The following FAM20C variants were observed in gnomAD, a reference collection of about 807,000 sequenced individuals.
FAM20C encodes the protein FAM20C golgi associated secretory pathway kinase.
In FAM20C, 40 loss-of-function variants were observed where a neutral mutation model predicts 51.5. The ratio of observed to expected loss-of-function variants is 0.78; its 90% CI spans 0.60 to 1.01. The LOEUF is 1.01. FAM20C is among the 50% of genes least tolerant of loss of function. FAM20C has a pLI of 0.00. For missense variants in FAM20C, 861 were observed against 844.7 expected (o/e 1.02, Z -0.24); for synonymous variants, 406 against 380.6 (o/e 1.07, Z -0.78).
At chr7:222,136 T>C (rs1787255962) in intron 3 of FAM20C, among the ~76,000 whole-genome samples, 1 of 151,978 alleles carries the variant, frequency 6.6e-6, no homozygotes. Flanking sequence ...GAGCCAGAAG[T>C]GCGCAAGTCA....
At chr7:255,641 G>A (rs1329606788) in intron 5 of FAM20C, among the ~76,000 whole-genome samples, 1 of 152,154 alleles carries the variant, frequency 6.6e-6, no homozygotes, top group Non-Finnish European at 1.5e-5. Flanking sequence ...CCTCTGGGGA[G>A]CTGTGTGGCC....
intron 3 of FAM20C, among the ~76,000 whole-genome samples, chr7:232,330 G>GC (rs1193732451): frequency 6.6e-6 from 1 of 152,188 alleles, no homozygotes; most frequent in Non-Finnish European, 1.5e-5. Flanking sequence ...ACGCGGCCCA[G>GC]CCCCCCACCT....
chr7:197,321 G>A (rs1785924384), intron 2 of FAM20C: 1 of 167,046 alleles, frequency 6.0e-6, no homozygotes, highest in South Asian at 2.1e-4. Flanking sequence ...AGGCCGTGTG[G>A]AGAGGAGGGG....
At chr7:209,413 G>T (rs1407888758) in intron 3 of FAM20C, among the ~76,000 whole-genome samples, 1 of 152,166 alleles carries the variant, frequency 6.6e-6, no homozygotes, top group Non-Finnish European at 1.5e-5. Context: ...CTATTCAGCG[G>T]GTGGTCCTAG....
chr7:229,124 A>G (rs1223300961), intron 3 of FAM20C: 1 of 335,156 alleles, frequency 3.0e-6, no homozygotes, highest in African/African-American at 2.2e-5. Context: ...GGGGCCCTTC[A>G]CGTCCAGATG....
intron 3 of FAM20C, among the ~76,000 whole-genome samples, chr7:219,088 C>T (rs1406341750): frequency 6.6e-6 from 1 of 152,154 alleles, no homozygotes; most frequent in African/African-American, 2.4e-5. Flanking sequence ...CTCCTGGGGT[C>T]GTCACCATGG....
At chr7:248,090 A>G (rs1788238407) in intron 4 of FAM20C, among the ~76,000 whole-genome samples, 2 of 152,314 alleles carry the variant, frequency 1.3e-5, no homozygotes. Flanking sequence ...TCAGTGAGGC[A>G]TCGCCAGCCC....
chr7:236,578 A>T (rs1394101035), intron 3 of FAM20C, among the ~76,000 whole-genome samples: 1 of 152,204 alleles, frequency 6.6e-6, no homozygotes, highest in African/African-American at 2.4e-5. Flanking sequence ...AGAAAGGGAA[A>T]CTGAGGCCTA....
Position 256,704 on chromosome 7 carries a change from A to G in FAM20C, c.1304A>G (p.Tyr435Cys). The G allele has an allele frequency of 1.3e-6, 2 of 1,536,146 alleles. No individual in the cohort carries two copies. The highest frequency in any genetic ancestry group is 1.2e-5 in the South Asian group (1 of 84,066). ...GAGGAGGTGAAGCAGACACCGCCCTACGACAGCAGCCACCGCATCCTGGAC... is the reference window on the plus strand; with the variant it reads ...GAGGAGGTGAAGCAGACACCGCCCTGCGACAGCAGCCACCGCATCCTGGAC... The part of the protein sequence containing the change: ...YCEEVKQTPP[Y>C]DSSHRILDVM... Residue 435 changes from tyrosine (Y) to cysteine (C), a missense_variant, in exon 7 of 10, where the codon TAC becomes TGC. By Grantham distance (194) the Tyr-to-Cys change is radical (BLOSUM62 -2). This residue lies in a region of FAM20C where 269 missense variants were observed against 283.8 expected (regional missense o/e 0.95). Coordinates refer to ENST00000313766, the MANE Select transcript of FAM20C (RefSeq NM_020223.4).
At chr7:216,682 AGAGT>A (rs1398841175) in intron 3 of FAM20C, among the ~76,000 whole-genome samples, 1,710 of 143,690 alleles carry the variant, frequency 0.012, 45 homozygotes, top group African/African-American at 0.041. Context: ...AGTGTGTGTG[AGAGT>A]GTGTGTGTGT....
intron 3 of FAM20C, chr7:228,923 C>T (rs1787551591): frequency 4.9e-6 from 2 of 409,358 alleles, no homozygotes; most frequent in Non-Finnish European, 9.9e-6. Flanking sequence ...GGAGCCCCTT[C>T]CAAGACCGCC....
chr7:250,474 C>T (rs908748851), intron 5 of FAM20C, among the ~76,000 whole-genome samples: 2 of 152,298 alleles, frequency 1.3e-5, no homozygotes, highest in South Asian at 2.1e-4. Context: ...GAGGGCTCCC[C>T]GGTCAGCTGT....
chr7:217,266 T>C (rs895589833), intron 3 of FAM20C, among the ~76,000 whole-genome samples: 18 of 151,608 alleles, frequency 1.2e-4, no homozygotes, highest in African/African-American at 4.4e-4. Context: ...GCGGGACCTG[T>C]GTGCAGTGGG....
intron 5 of FAM20C, 26 bp downstream of exon 5, chr7:248,456 C>T (rs1000619262): frequency 2.8e-5 from 42 of 1,514,858 alleles, no homozygotes; most frequent in Non-Finnish European, 3.2e-5. Flanking sequence ...GGCCCGCATT[C>T]ATCTCTCCAG....
chr7:201,195 A>AG (rs1786112058), intron 2 of FAM20C, among the ~76,000 whole-genome samples: 1 of 152,208 alleles, frequency 6.6e-6, no homozygotes, highest in Admixed American at 6.5e-5. Flanking sequence ...CCTTGAGGCC[A>AG]GACAGTGGCT....
chr7:213,108 TC>T (rs112864525), intron 3 of FAM20C, among the ~76,000 whole-genome samples: 38 of 64,734 alleles, frequency 5.9e-4, no homozygotes, highest in African/African-American at 2.6e-3. Flanking sequence ...GGCTCTGGAG[TC>T]CTGCAGTGTG....
At chr7:220,905 A>C (rs1787231377) in intron 3 of FAM20C, among the ~76,000 whole-genome samples, 1 of 152,114 alleles carries the variant, frequency 6.6e-6, no homozygotes, top group African/African-American at 2.4e-5. Flanking sequence ...GGCCCAGGGC[A>C]CAGGGCGGAG....
chr7:251,968 C>A (rs1788418595), intron 5 of FAM20C, among the ~76,000 whole-genome samples: 1 of 152,222 alleles, frequency 6.6e-6, no homozygotes, highest in African/African-American at 2.4e-5. Context: ...GCTGCCACTC[C>A]AGCCGCGCTG....
chr7:231,887 G>A (rs1787703531), intron 3 of FAM20C, among the ~76,000 whole-genome samples: 1 of 152,132 alleles, frequency 6.6e-6, no homozygotes, highest in South Asian at 2.1e-4. Context: ...GTGCCCAGGG[G>A]CCTGGGGCGG....
Sources: allele counts gnomAD v4.1 joint callset (sites outside exome capture counted in the v4.1 genomes callset), GRCh38; gene constraint gnomAD v4.1.1; regional missense constraint gnomAD v4.1.1; transcripts MANE v1.5; gene names NCBI Gene and HGNC (gene_info 2026-07-23, HGNC 2026-07-21).